PLEKHG1: variants seen among roughly 807,000 people sequenced by gnomAD.
PLEKHG1 encodes pleckstrin homology domain-containing family G member 1.
A neutral mutation model predicts 100.8 loss-of-function variants in PLEKHG1; 44 were observed. That is an observed-to-expected ratio of 0.44 (90% CI 0.34 to 0.56). The LOEUF is 0.56. Ranked by LOEUF, PLEKHG1 falls within the 20% of genes least tolerant of loss-of-function variation. PLEKHG1 has a pLI of 0.01. For synonymous variants in PLEKHG1, 640 were observed against 662.5 expected (o/e 0.97, Z 0.52); for missense variants, 1,545 against 1,720.9 (o/e 0.90, Z 1.81).
At chr6:150,804,177 T>TATATATATATATATATATATATA (rs56138913) in intron 6 of PLEKHG1, among the ~76,000 whole-genome samples, 1 of 24,410 alleles carries the variant, frequency 4.1e-5, no homozygotes, top group African/African-American at 1.9e-4. Context: ...ATATATATAT[T>TATATATATATATATATATATATA]TTTTTTTTTT....
rs115366061 is a variant in PLEKHG1, at chr6:150,610,650, G to A, written c.-204+10633G>A. 4.9e-3 allele frequency among the ~76,000 whole-genome samples: 748 copies of A among 152,282 alleles called. 9 individuals are homozygous for A. The highest frequency in any genetic ancestry group is 0.017 in the African/African-American group (713 of 41,570). Reference sequence around the variant, plus strand: ...GAAAAAAAAGAGCAGGAAAAGGAAGGAAAGCAAAGAAAAACCCACTAGAGC... The same window carrying A: ...GAAAAAAAAGAGCAGGAAAAGGAAGAAAAGCAAAGAAAAACCCACTAGAGC... On this transcript the variant is annotated intron_variant, in intron 1 of 3. Coordinates refer to the PLEKHG1 transcript ENST00000367326.
intron 5 of PLEKHG1, among the ~76,000 whole-genome samples, chr6:150,798,293 T>C (rs1473426858): frequency 6.6e-6 from 1 of 152,150 alleles, no homozygotes; most frequent in African/African-American, 2.4e-5. Context: ...CCAGATCCAA[T>C]TATGAGAATC....
intron 13 of PLEKHG1, among the ~76,000 whole-genome samples, chr6:150,822,546 C>A (rs1375272015): frequency 1.3e-5 from 2 of 152,180 alleles, no homozygotes; most frequent in Admixed American, 6.5e-5. Context: ...TGGAAATATA[C>A]TTAAAGAAAT....
chr6:150,717,788 A>AT (rs557921208), upstream of PLEKHG1, among the ~76,000 whole-genome samples: 458 of 152,256 alleles, frequency 3.0e-3, no homozygotes, highest in Middle Eastern at 0.014. Flanking sequence ...TTAAAAAGAC[A>AT]TTTTGGGCTA....
intron 3 of PLEKHG1, among the ~76,000 whole-genome samples, chr6:150,666,856 G>C (rs1401352996): frequency 6.6e-6 from 1 of 151,856 alleles, no homozygotes; most frequent in East Asian, 1.9e-4. Context: ...CGCCTCCCGG[G>C]TTCACACCAT....
chr6:150,755,856 GACAGTAAATTTAATGTTTTTATTA>G (rs1442407487), intron 2 of PLEKHG1, among the ~76,000 whole-genome samples: 1 of 151,988 alleles, frequency 6.6e-6, no homozygotes, highest in Non-Finnish European at 1.5e-5. Context: ...ACTTTCCCAG[GACAGTAAATTTAATGTTTTTATTA>G]AAGATTTAAT....
intron 13 of PLEKHG1, among the ~76,000 whole-genome samples, 164 bp downstream of exon 14, chr6:150,821,397 G>A (rs1014789723): frequency 2.0e-5 from 3 of 152,110 alleles, no homozygotes; most frequent in Non-Finnish European, 2.9e-5. Context: ...AAAATATATA[G>A]TCAAAGCCAG....
At chr6:150,603,078 T>TAAAA (rs1776425049) in intron 1 of PLEKHG1, among the ~76,000 whole-genome samples, 2 of 17,356 alleles carry the variant, frequency 1.2e-4, no homozygotes, top group Non-Finnish European at 1.7e-4. Flanking sequence ...AGACTCCGTC[T>TAAAA]CAAAAAAAAA....
intron 2 of PLEKHG1, among the ~76,000 whole-genome samples, chr6:150,745,598 G>T (rs923763913): frequency 6.6e-6 from 1 of 151,502 alleles, no homozygotes; most frequent in African/African-American, 2.4e-5. Flanking sequence ...CAGGAGAATC[G>T]CTTGAACCTG....
chr6:150,646,357 A>G (rs1025408850), intron 2 of PLEKHG1, among the ~76,000 whole-genome samples: 1 of 152,122 alleles, frequency 6.6e-6, no homozygotes, highest in Non-Finnish European at 1.5e-5. Context: ...GTGCCAATCC[A>G]TGAACTAATC....
intron 1 of PLEKHG1, among the ~76,000 whole-genome samples, chr6:150,603,865 G>T (rs1001374281): frequency 1.9e-4 from 29 of 152,122 alleles, no homozygotes; most frequent in African/African-American, 7.0e-4. Flanking sequence ...GGTCCTAGAG[G>T]GAAGGCAATT....
intron 15 of PLEKHG1, among the ~76,000 whole-genome samples, chr6:150,838,225 T>C (rs1237556016): frequency 4.6e-5 from 7 of 152,212 alleles, no homozygotes; most frequent in Non-Finnish European, 1.5e-5. Context: ...CTGCTGGTTG[T>C]CATATATAGG....
rs1393340779 is a variant in PLEKHG1, at chr6:150,600,257, G to T, written c.-204+240G>T. On this transcript the variant is annotated intron_variant, in intron 1 of 3. Transcript: ENST00000367326. This position sits in a 1 kb window ranked among gnomAD's most constrained non-coding sequence, Gnocchi z 6.2. ...CGGTGGGGACGGAGGGCGCTGGGGG[G>T]CGCCGCGTCTCGGGGGTCGGAGTCG... 6.6e-6 allele frequency among the ~76,000 whole-genome samples: 1 copy of T among 151,752 alleles called. No individual in the cohort carries two copies. Among genetic ancestry groups the T allele is most frequent in the Non-Finnish European group, 1.5e-5 (1 of 67,854 alleles).
chr6:150,821,249 T>C lies in PLEKHG1; in HGVS notation c.1447+16T>C. ...AAGACCAGTGGTAAGTCGTAAAATA[T>C]ATTTTCCTGTTTCATTCTTGTTGAT... On this transcript the variant is annotated intron_variant, in intron 13 of 15. Coordinates refer to ENST00000358517, the Ensembl canonical transcript of PLEKHG1. 1 of 1,572,498 alleles carries C rather than the reference T, an allele frequency of 6.4e-7. No individual in the cohort carries two copies. The highest frequency in any genetic ancestry group is 2.2e-5 in the East Asian group (1 of 44,690).
At chr6:150,792,079 T>A (rs1006839781) in intron 4 of PLEKHG1, among the ~76,000 whole-genome samples, 1 of 152,222 alleles carries the variant, frequency 6.6e-6, no homozygotes, top group Non-Finnish European at 1.5e-5. Context: ...AAAAGTGCTG[T>A]AGTCCTGTAT....
At chr6:150,779,344 G>GTTTGTTTGTTTTTTTTTTTTTTT (rs1257363893) in intron 3 of PLEKHG1, among the ~76,000 whole-genome samples, 1 of 104,536 alleles carries the variant, frequency 9.6e-6, no homozygotes, top group Non-Finnish European at 1.8e-5. Flanking sequence ...TTGTCAAGAA[G>GTTTGTTTGTTTTTTTTTTTTTTT]TTTTTTTTTT....
In PLEKHG1 at chr6:150,831,289, A is replaced by T; in HGVS notation, c.2178A>T (p.Ala726=). ...ATGGCACCCTCTCAGGTGGAGAGGCATCCAGCCAAAGCACGCATGAACTCC... is the reference window on the plus strand; with the variant it reads ...ATGGCACCCTCTCAGGTGGAGAGGCTTCCAGCCAAAGCACGCATGAACTCC... Residue 726 remains alanine, a synonymous_variant, in exon 15 of 16, where the codon GCA becomes GCT. Coordinates refer to ENST00000358517, the Ensembl canonical transcript of PLEKHG1. The surrounding 1 kb of genome is among the most constrained non-coding windows in gnomAD (Gnocchi z 4.1). 14 of 1,614,148 alleles carry T rather than the reference A, an allele frequency of 8.7e-6. No homozygotes were observed. The highest frequency in any genetic ancestry group is 1.2e-5 in the Non-Finnish European group (14 of 1,180,010).
chr6:150,836,795 C>G (rs914473867), intron 15 of PLEKHG1, among the ~76,000 whole-genome samples: 37 of 150,072 alleles, frequency 2.5e-4, no homozygotes, highest in African/African-American at 8.6e-4. Flanking sequence ...TCCACTCTAG[C>G]CTGGCCAACA....
intron 3 of PLEKHG1, among the ~76,000 whole-genome samples, chr6:150,782,474 C>A (rs2128649005): frequency 6.6e-6 from 1 of 152,248 alleles, no homozygotes; most frequent in South Asian, 2.1e-4. Context: ...CAACCCATTA[C>A]CACTTGCTGA....
Sources: allele counts gnomAD v4.1 joint callset (sites outside exome capture counted in the v4.1 genomes callset), GRCh38; gene constraint gnomAD v4.1.1; non-coding constraint Gnocchi (gnomAD v3.1); transcripts MANE v1.5; gene names NCBI Gene and HGNC (gene_info 2026-07-23, HGNC 2026-07-21).